LRRC4C: variants seen among roughly 807,000 people sequenced by gnomAD.
LRRC4C encodes the protein leucine rich repeat containing 4C, also known as leucine-rich repeat-containing protein 4C.
LRRC4C carries 5 observed loss-of-function variants against 33.6 expected under a neutral mutation model. The observed-to-expected ratio is 0.15, with a 90% CI of 0.08 to 0.31. The LOEUF (loss-of-function observed/expected upper bound fraction) is 0.31, where lower values mean the gene tolerates loss of function less well. Ranked by LOEUF, LRRC4C falls within the 10% of genes least tolerant of loss-of-function variation. The probability of loss-of-function intolerance (pLI) is 1.00; values close to 1 mark genes in which losing one functional copy is unlikely to be tolerated. For missense variants in LRRC4C, 560 were observed against 796.7 expected, an observed-to-expected ratio of 0.70 and a Z score of 3.58; for synonymous variants, 329 against 302.0, an observed-to-expected ratio of 1.09 and a Z score of -0.93.
At chr11:40,484,354 G>A (rs12276919) in intron 3 of LRRC4C, among the ~76,000 whole-genome samples, 5,836 of 151,974 alleles carry the variant, frequency 0.038, 331 homozygotes, top group African/African-American at 0.12. Flanking sequence ...GAGTATTATG[G>A]CATCCTAAAA....
At chr11:40,906,120 A>G (rs1290425359) in intron 2 of LRRC4C, among the ~76,000 whole-genome samples, 1 of 152,224 alleles carries the variant, frequency 6.6e-6, no homozygotes, top group East Asian at 1.9e-4. Flanking sequence ...CAACAAGATT[A>G]ACACTTGCTA....
chr11:41,209,000 A>G (rs531510984), intron 1 of LRRC4C, among the ~76,000 whole-genome samples: 2 of 152,042 alleles, frequency 1.3e-5, no homozygotes, highest in Admixed American at 1.3e-4. Flanking sequence ...GATTATTCTC[A>G]AGCCTTAAGA....
chr11:41,036,111 G>T (rs1266438286), intron 1 of LRRC4C, among the ~76,000 whole-genome samples: 1 of 151,862 alleles, frequency 6.6e-6, no homozygotes, highest in Non-Finnish European at 1.5e-5. Context: ...AATATCAGAA[G>T]GTAAGAGATT....
At chr11:40,984,395 G>GAAAGA (rs1852818363) in intron 1 of LRRC4C, among the ~76,000 whole-genome samples, 1 of 85,462 alleles carries the variant, frequency 1.2e-5, no homozygotes, top group Non-Finnish European at 3.0e-5. Flanking sequence ...AAGAAAGAAA[G>GAAAGA]AAAGAAAGAA....
intron 1 of LRRC4C, among the ~76,000 whole-genome samples, chr11:41,410,381 T>C (rs1954418592): frequency 3.8e-5 from 1 of 26,050 alleles, no homozygotes; most frequent in Non-Finnish European, 7.9e-5. Context: ...TTCCAAAGAA[T>C]GTTTTTTTCT....
chr11:40,589,922 A>G (rs887320009), intron 3 of LRRC4C, among the ~76,000 whole-genome samples: 15 of 149,720 alleles, frequency 1.0e-4, no homozygotes, highest in East Asian at 2.0e-4. Flanking sequence ...TTTTTCCTTC[A>G]TTTCAACTTT....
chr11:40,265,430 G>C (rs542259167), intron 4 of LRRC4C, among the ~76,000 whole-genome samples: 3 of 152,178 alleles, frequency 2.0e-5, no homozygotes, highest in South Asian at 2.1e-4. Flanking sequence ...TTTTAAAAAG[G>C]CTTCAATTTT....
At chr11:41,281,150 T>C (rs1565544070) in intron 1 of LRRC4C, among the ~76,000 whole-genome samples, 1 of 141,730 alleles carries the variant, frequency 7.1e-6, no homozygotes, top group African/African-American at 2.6e-5. Flanking sequence ...ACATTCTTCC[T>C]GGGAATAAAT....
Position 40,648,191 on chromosome 11 carries a change from C to T in LRRC4C, c.-319G>A, listed in dbSNP as rs777883943. The T allele has an allele frequency of 6.6e-6, 1 of 152,102 alleles. No homozygotes were observed. Among genetic ancestry groups the T allele is most frequent in the African/African-American group, 2.4e-5 (1 of 41,410 alleles). The allele number at this position is 152,102 out of a possible 1,614,324, so 9.4% of individuals were successfully genotyped here. On this transcript the variant is annotated 5_prime_UTR_variant, in exon 3 of 7. Coordinates refer to ENST00000528697, the MANE Select transcript of LRRC4C (RefSeq NM_001258419.2). Reference sequence around the variant, plus strand: ...GTTTCTCTGTTTGCAAAACTGGAACCCACTTAATTTATGGCGATTCCAAAG... The same window carrying T: ...GTTTCTCTGTTTGCAAAACTGGAACTCACTTAATTTATGGCGATTCCAAAG...
At chr11:40,279,898 T>C (rs767768369) in intron 4 of LRRC4C, among the ~76,000 whole-genome samples, 1 of 152,210 alleles carries the variant, frequency 6.6e-6, no homozygotes, top group Non-Finnish European at 1.5e-5. Context: ...TAATTTCATT[T>C]TAAAATCTTT....
At chr11:40,978,450 G>T (rs1438230189) in intron 1 of LRRC4C, among the ~76,000 whole-genome samples, 1 of 152,122 alleles carries the variant, frequency 6.6e-6, no homozygotes, top group African/African-American at 2.4e-5. Flanking sequence ...GTCATAAATG[G>T]TCAAGAGTAT....
Position 40,615,265 on chromosome 11 carries a change from T to TATATATATATATATATATAC in LRRC4C, c.-270+32876_-270+32877insGTATATATATATATATATAT, listed in dbSNP as rs1490740198. Among the ~76,000 whole-genome samples, 51 of 53,360 alleles carry TATATATATATATATATATAC rather than the reference T, an allele frequency of 9.6e-4. No homozygotes were observed. In the Admixed American group the frequency reaches 9.8e-3, roughly 10 times the overall value. 35.0% of individuals were successfully genotyped at this position (53,360 alleles called of 152,430 possible). A position where few individuals can be genotyped will look rare whatever the true frequency, so the allele number is the denominator to read the frequency against. ...ATATATATATATATATATATATATA[T>TATATATATATATATATATAC]ACACACACACACACATATGTATATT... On this transcript the variant is annotated intron_variant, in intron 3 of 6. Transcript: ENST00000528697.
intron 5 of LRRC4C, among the ~76,000 whole-genome samples, chr11:40,216,561 T>C (rs1426416797): frequency 6.6e-6 from 1 of 152,112 alleles, no homozygotes; most frequent in African/African-American, 2.4e-5. Flanking sequence ...AGTTCTCTTC[T>C]AAAATGAGAT....
intron 1 of LRRC4C, among the ~76,000 whole-genome samples, chr11:41,387,147 C>CT (rs2137954164): frequency 6.6e-6 from 1 of 151,626 alleles, no homozygotes; most frequent in East Asian, 1.9e-4. Flanking sequence ...CTGATAAAAG[C>CT]TTTTTTTCTC....
intron 1 of LRRC4C, among the ~76,000 whole-genome samples, chr11:41,061,720 A>G (rs1474849730): frequency 6.6e-6 from 1 of 152,210 alleles, no homozygotes; most frequent in Non-Finnish European, 1.5e-5. Flanking sequence ...AAGGTATACT[A>G]TCATGGGCAG....
chr11:40,897,932 T>C (rs1016064097), intron 2 of LRRC4C, among the ~76,000 whole-genome samples: 1 of 152,220 alleles, frequency 6.6e-6, no homozygotes, highest in African/African-American at 2.4e-5. Context: ...CCAGGAAGAA[T>C]ATATTTTGCT....
At chr11:40,373,675 G>A (rs1384151172) in intron 3 of LRRC4C, among the ~76,000 whole-genome samples, 1 of 152,072 alleles carries the variant, frequency 6.6e-6, no homozygotes, top group Admixed American at 6.6e-5. Flanking sequence ...ACTCATGAAC[G>A]GCCTGGCACC....
At chr11:40,246,922 A>C (rs1866386755) in intron 4 of LRRC4C, among the ~76,000 whole-genome samples, 1 of 152,220 alleles carries the variant, frequency 6.6e-6, no homozygotes, top group African/African-American at 2.4e-5. Flanking sequence ...AAATCTAAGC[A>C]CGTTCAAACA....
intron 2 of LRRC4C, among the ~76,000 whole-genome samples, chr11:40,686,342 GCTAA>G (rs1385004922): frequency 6.6e-6 from 1 of 152,096 alleles, no homozygotes; most frequent in African/African-American, 2.4e-5. Flanking sequence ...CTCAGTGTGT[GCTAA>G]CTGAGTAAAA....
Sources: gnomAD v4.1 joint callset for allele counts (sites outside exome capture counted in the v4.1 genomes callset) on GRCh38, gnomAD v4.1.1 for gene constraint, MANE v1.5 for transcripts, NCBI Gene and HGNC (gene_info 2026-07-23, HGNC 2026-07-21) for gene names.